THSD7A: variants seen among roughly 807,000 people sequenced by gnomAD.
THSD7A encodes the protein thrombospondin type 1 domain containing 7A, also known as thrombospondin type-1 domain-containing protein 7A.
Under a neutral mutation model 231.3 loss-of-function variants are expected in THSD7A, and 96 were observed. The ratio of observed to expected loss-of-function variants is 0.41; its 90% CI spans 0.35 to 0.49. The LOEUF (loss-of-function observed/expected upper bound fraction) is 0.49, where lower values mean the gene tolerates loss of function less well. THSD7A is among the 20% of genes least tolerant of loss of function. The pLI, the probability that THSD7A is intolerant of heterozygous loss-of-function variation, is 0.05. For missense variants in THSD7A, 2,290 were observed against 2,070.2 expected (o/e 1.11, Z -2.06); for synonymous variants, 940 against 743.3 (o/e 1.26, Z -4.30).
intron 1 of THSD7A, among the ~76,000 whole-genome samples, chr7:11,732,638 T>TCCACCA (rs772775756): frequency 1.3e-5 from 2 of 151,712 alleles, no homozygotes; most frequent in Non-Finnish European, 2.9e-5. Flanking sequence ...AACCACCACT[T>TCCACCA]CCACCACCAC....
intron 7 of THSD7A, among the ~76,000 whole-genome samples, chr7:11,479,532 T>A (rs1391676751): frequency 6.6e-6 from 1 of 152,336 alleles, no homozygotes; most frequent in East Asian, 1.9e-4. Flanking sequence ...AAAGACTGAC[T>A]TTTGTGTAGA....
Position 11,426,671 on chromosome 7 carries a change from C to G in THSD7A, c.3244G>C (p.Ala1082Pro). ...PCPKLDHVNQAQVYEVVPCHS... is the reference protein window; with the variant it reads ...PCPKLDHVNQPQVYEVVPCHS... ...TGAGGTTTAAGAGTTCTTACCTGTG[C>G]CTGGAGTGGTGTTCAACAGGAATGA... The change falls in exon 15 of 28, where the codon GCA (alanine) becomes CCA (proline). Residue 1082 changes from alanine (A) to proline (P), a missense_variant and splice_region_variant. Coordinates refer to ENST00000423059, the MANE Select transcript of THSD7A (RefSeq NM_015204.3). The G allele has an allele frequency of 6.4e-7, 1 of 1,561,366 alleles. No individual in the cohort carries two copies. Among genetic ancestry groups the G allele is most frequent in the Non-Finnish European group, 8.6e-7 (1 of 1,159,986 alleles).
chr7:11,524,503 G>A (rs1157381867), intron 6 of THSD7A, among the ~76,000 whole-genome samples: 7 of 152,138 alleles, frequency 4.6e-5, no homozygotes, highest in Non-Finnish European at 7.4e-5. Flanking sequence ...AATTCCCTTC[G>A]GATGAATAAT....
At chr7:11,518,008 A>C (rs1418768950) in intron 6 of THSD7A, among the ~76,000 whole-genome samples, 1 of 152,220 alleles carries the variant, frequency 6.6e-6, no homozygotes, top group African/African-American at 2.4e-5. Context: ...AACTGCCTGC[A>C]GAGACAGAAG....
chr7:11,441,015 C>T (rs2128293165), intron 13 of THSD7A, among the ~76,000 whole-genome samples: 1 of 152,124 alleles, frequency 6.6e-6, no homozygotes, highest in South Asian at 2.1e-4. Context: ...GAAATTGCCA[C>T]AGTCACCCCA....
At chr7:11,606,981 C>T (rs953198886) in intron 2 of THSD7A, among the ~76,000 whole-genome samples, 3 of 151,586 alleles carry the variant, frequency 2.0e-5, no homozygotes, top group African/African-American at 7.3e-5. Context: ...ATGTTGTGCA[C>T]ATGTACCCTA....
intron 1 of THSD7A, among the ~76,000 whole-genome samples, chr7:11,657,676 T>C (rs181751413): frequency 3.9e-5 from 6 of 151,994 alleles, no homozygotes; most frequent in African/African-American, 1.4e-4. Flanking sequence ...TATGCAAATC[T>C]ATTTCTCTAC....
intron 1 of THSD7A, among the ~76,000 whole-genome samples, chr7:11,793,234 C>CTTA: frequency 6.6e-6 from 1 of 151,958 alleles, no homozygotes; most frequent in East Asian, 1.9e-4. Flanking sequence ...TAATGATAGA[C>CTTA]TTATTGTCTA....
chr7:11,458,670 C>G (rs957304824), intron 11 of THSD7A, among the ~76,000 whole-genome samples: 2 of 152,048 alleles, frequency 1.3e-5, no homozygotes, highest in African/African-American at 4.8e-5. Context: ...GAGAAAGTCG[C>G]ACACTGAAGA....
intron 16 of THSD7A, among the ~76,000 whole-genome samples, chr7:11,421,850 C>A (rs986561326): frequency 6.6e-6 from 1 of 152,190 alleles, no homozygotes; most frequent in South Asian, 2.1e-4. Context: ...GTTAAAATGT[C>A]CCTGTTGTGG....
chr7:11,657,198 T>G (rs921391146), intron 1 of THSD7A, among the ~76,000 whole-genome samples: 1 of 151,734 alleles, frequency 6.6e-6, no homozygotes, highest in Non-Finnish European at 1.5e-5. Context: ...TGGGGGAAAA[T>G]AAGTACACTG....
chr7:11,611,373 T>A (rs981984955), intron 2 of THSD7A, among the ~76,000 whole-genome samples: 10 of 152,008 alleles, frequency 6.6e-5, no homozygotes, highest in Admixed American at 4.6e-4. Flanking sequence ...CAGCTACATA[T>A]TTTATGATAA....
At chr7:11,558,601 T>C (rs1040695306) in intron 4 of THSD7A, among the ~76,000 whole-genome samples, 3 of 152,208 alleles carry the variant, frequency 2.0e-5, no homozygotes, top group South Asian at 2.1e-4. Flanking sequence ...AGTATTACTA[T>C]ACTAGACCAT....
At chr7:11,460,447 A>C (rs1003070201) in intron 11 of THSD7A, among the ~76,000 whole-genome samples, 2 of 152,216 alleles carry the variant, frequency 1.3e-5, no homozygotes, top group African/African-American at 4.8e-5. Flanking sequence ...CATAAATGAG[A>C]GAAAAATTCA....
At chr7:11,442,749 C>T (rs1189508798) in intron 13 of THSD7A, among the ~76,000 whole-genome samples, 2 of 152,006 alleles carry the variant, frequency 1.3e-5, no homozygotes, top group African/African-American at 4.8e-5. Context: ...TGTTAGTAAA[C>T]ACTAAAATAT....
intron 23 of THSD7A, among the ~76,000 whole-genome samples, chr7:11,393,626 T>A (rs1783069859): frequency 6.6e-6 from 1 of 152,198 alleles, no homozygotes; most frequent in South Asian, 2.1e-4. Context: ...TGAAAAAAGT[T>A]AGATGAATTG....
At position 11,832,017 on chromosome 7, in the gene THSD7A, C is replaced by T; in HGVS notation, c.-71G>A. 3.8e-6 allele frequency: 4 copies of T among 1,053,516 alleles called. No individual in the cohort carries two copies. The highest frequency in any genetic ancestry group is 4.8e-5 in the South Asian group (1 of 21,030). 65.3% of individuals were successfully genotyped at this position (1,053,516 alleles called of 1,614,324 possible). ...AGGGAATTTTTCTCCGCTCTTGGAA[C>T]GTCTTTTCAAAGAGTACAGAAAGCA... On this transcript the variant is annotated 5_prime_UTR_variant, in exon 1 of 28. Transcript: ENST00000423059.
chr7:11,829,636 A>G (rs1785134434), intron 1 of THSD7A, among the ~76,000 whole-genome samples: 1 of 151,936 alleles, frequency 6.6e-6, no homozygotes, highest in African/African-American at 2.4e-5. Flanking sequence ...TTCTCTTCCA[A>G]TTCCCTTCTT....
At chr7:11,574,536 G>T (rs371954473) in intron 4 of THSD7A, among the ~76,000 whole-genome samples, 3 of 150,048 alleles carry the variant, frequency 2.0e-5, no homozygotes, top group African/African-American at 7.4e-5. Context: ...CCGGGTTCAC[G>T]CCATTCTGCC....
Sources: gnomAD v4.1 joint callset for allele counts (sites outside exome capture counted in the v4.1 genomes callset) on GRCh38, gnomAD v4.1.1 for gene constraint, MANE v1.5 for transcripts, NCBI Gene and HGNC (gene_info 2026-07-23, HGNC 2026-07-21) for gene names.